The following PPP1R9A variants were observed in gnomAD, a reference collection of about 807,000 sequenced individuals.
The protein encoded by PPP1R9A is neurabin-1.
Under a neutral mutation model 141.9 loss-of-function variants are expected in PPP1R9A, and 59 were observed. The ratio of observed to expected loss-of-function variants is 0.42; its 90% CI spans 0.34 to 0.52. The LOEUF (loss-of-function observed/expected upper bound fraction) is 0.52. Among genes scored for constraint, PPP1R9A ranks in the 20% least tolerant of loss-of-function variants. The pLI, the probability that PPP1R9A is intolerant of heterozygous loss-of-function variation, is 0.10. For synonymous variants in PPP1R9A, 500 were observed against 569.7 expected, an observed-to-expected ratio of 0.88 and a Z score of 1.74; for missense variants, 1,444 against 1,611.9, an observed-to-expected ratio of 0.90 and a Z score of 1.78.
rs192085164 is a variant in PPP1R9A at position 94,910,233 on chromosome 7, T to C, written c.120T>C (p.Asp40=). 135 of 1,613,896 alleles carry C rather than the reference T, an allele frequency of 8.4e-5. 1 individual carries two copies. Among genetic ancestry groups the C allele is most frequent in the Non-Finnish European group, 4.1e-5 (48 of 1,179,972 alleles). The change falls in exon 2 of 20, where the codon GAT becomes GAC. Residue 40 remains aspartate (D), a synonymous_variant. Coordinates refer to ENST00000433360, the MANE Select transcript of PPP1R9A (RefSeq NM_001166160.2). This position sits in a 1 kb window ranked among gnomAD's most constrained non-coding sequence, Gnocchi z 4.5. The part of the protein sequence containing the change: ...LKSTFDKPKS[D]GEQKTKEGEG... ...GTACCTTTGACAAACCCAAGTCAGA[T>C]GGGGAACAAAAAACAAAAGAAGGTG... is the stretch of plus-strand genomic sequence containing the variant.
intron 2 of PPP1R9A, among the ~76,000 whole-genome samples, chr7:94,993,421 A>C (rs1007121125): frequency 6.6e-6 from 1 of 152,156 alleles, no homozygotes; most frequent in Non-Finnish European, 1.5e-5. Flanking sequence ...TTAGCTTGTC[A>C]ATTTATACAA....
intron 4 of PPP1R9A, 104 bp from the exon 5 acceptor site, chr7:95,161,763 A>G (rs1003259867): frequency 2.8e-6 from 2 of 711,448 alleles, no homozygotes; most frequent in Non-Finnish European, 4.5e-6. Flanking sequence ...CAAAAAGAGT[A>G]TCTTAAAAAT....
intron 2 of PPP1R9A, among the ~76,000 whole-genome samples, chr7:94,930,980 G>A (rs1406265841): frequency 1.3e-5 from 2 of 152,142 alleles, no homozygotes; most frequent in African/African-American, 4.8e-5. Flanking sequence ...TAGCGTATCC[G>A]TACAAAATAG....
intron 2 of PPP1R9A, among the ~76,000 whole-genome samples, chr7:95,063,971 A>G (rs775612223): frequency 7.9e-5 from 12 of 152,208 alleles, no homozygotes; most frequent in Non-Finnish European, 1.2e-4. Context: ...TAAATTTACT[A>G]TAAAAATGGG....
Position 95,293,926 on chromosome 7 carries a change from G to A in PPP1R9A, c.*3623G>A, listed in dbSNP as rs1265330461. ...CAGTGTTTAACAATAGTGTTCTAGA[G>A]GATTCTAAAGGAAGCTGCCCCAGCA... On this transcript the variant is annotated 3_prime_UTR_variant, in exon 20 of 20. Transcript: ENST00000433360. 1 of 152,180 alleles carries A rather than the reference G, an allele frequency of 6.6e-6. No individual in the cohort carries two copies. The highest frequency in any genetic ancestry group is 2.4e-5 in the African/African-American group (1 of 41,442). The allele number at this position is 152,180 out of a possible 1,614,324, so 9.4% of individuals were successfully genotyped here.
At chr7:94,951,348 A>G (rs1796454644) in intron 2 of PPP1R9A, among the ~76,000 whole-genome samples, 1 of 151,896 alleles carries the variant, frequency 6.6e-6, no homozygotes, top group Non-Finnish European at 1.5e-5. Context: ...ATTATTATAT[A>G]TGGCATTTGG....
chr7:94,978,545 C>T (rs1477577132), intron 2 of PPP1R9A, among the ~76,000 whole-genome samples: 1 of 152,138 alleles, frequency 6.6e-6, no homozygotes, highest in Non-Finnish European at 1.5e-5. Flanking sequence ...ATTGCCAATT[C>T]ATTTCTCGAC....
intron 1 of PPP1R9A, chr7:94,908,121 C>G (rs1790987604): frequency 6.6e-6 from 1 of 150,440 alleles, no homozygotes; most frequent in African/African-American, 2.4e-5. Context: ...CCCTCCCCGC[C>G]CGCGGCGCTC....
Position 94,910,735 on chromosome 7 carries a change from GTAT to G in PPP1R9A, c.624_626del (p.Phe209del). On this transcript the variant is annotated inframe_deletion, in exon 2 of 20. Coordinates refer to ENST00000433360, the MANE Select transcript of PPP1R9A (RefSeq NM_001166160.2). This position sits in a 1 kb window ranked among gnomAD's most constrained non-coding sequence, Gnocchi z 4.5. ...CCCAACTGTGAGTCAACTGAGTGCA[GTAT>G]TTGAGAACACTGATTCTCCCAGTGC... 6.2e-7 allele frequency: 1 copy of G among 1,614,168 alleles called. No individual in the cohort carries two copies. Among genetic ancestry groups the G allele is most frequent in the Non-Finnish European group, 8.5e-7 (1 of 1,180,038 alleles).
intron 12 of PPP1R9A, among the ~76,000 whole-genome samples, chr7:95,256,583 C>T (rs906402234): frequency 3.3e-5 from 5 of 152,078 alleles, no homozygotes; most frequent in Non-Finnish European, 7.4e-5. Context: ...TATTTCATCA[C>T]TAAGTGTATT....
At chr7:94,935,572 T>C (rs140391129) in intron 2 of PPP1R9A, among the ~76,000 whole-genome samples, 1 of 152,340 alleles carries the variant, frequency 6.6e-6, no homozygotes, top group East Asian at 1.9e-4. Flanking sequence ...TTCTGTGGCT[T>C]CTGGAACACA....
chr7:95,034,763 A>C (rs2151845127), intron 2 of PPP1R9A, among the ~76,000 whole-genome samples: 1 of 152,358 alleles, frequency 6.6e-6, no homozygotes, highest in East Asian at 1.9e-4. Flanking sequence ...GAATTATGGA[A>C]TATTCTAGTT....
At chr7:95,157,261 C>G (rs943261249) in intron 4 of PPP1R9A, among the ~76,000 whole-genome samples, 2 of 152,164 alleles carry the variant, frequency 1.3e-5, no homozygotes, top group East Asian at 1.9e-4. Flanking sequence ...CCCCCTCTCC[C>G]CCCCCAGAGT....
At chr7:94,933,106 C>T (rs1051769545) in intron 2 of PPP1R9A, among the ~76,000 whole-genome samples, 1 of 151,650 alleles carries the variant, frequency 6.6e-6, no homozygotes, top group Non-Finnish European at 1.5e-5. Context: ...GCATATTTAG[C>T]GTCCTATCAT....
At chr7:95,128,317 G>A (rs2152513970) in intron 4 of PPP1R9A, among the ~76,000 whole-genome samples, 1 of 152,214 alleles carries the variant, frequency 6.6e-6, no homozygotes, top group African/African-American at 2.4e-5. Flanking sequence ...GCCCTCTATT[G>A]AGAAGTGCTG....
chr7:95,265,102 G>A (rs1472905675), intron 12 of PPP1R9A, among the ~76,000 whole-genome samples: 1 of 152,068 alleles, frequency 6.6e-6, no homozygotes, highest in East Asian at 1.9e-4. Flanking sequence ...TTGGATATAT[G>A]TAAAGCCAAA....
intron 18 of PPP1R9A, among the ~76,000 whole-genome samples, chr7:95,287,603 A>G (rs1805586341): frequency 6.6e-6 from 1 of 152,174 alleles, no homozygotes; most frequent in South Asian, 2.1e-4. Context: ...AATTTAGAAT[A>G]AACTCCTAAC....
At chr7:95,041,152 A>C (rs545966557) in intron 2 of PPP1R9A, among the ~76,000 whole-genome samples, 25 of 152,334 alleles carry the variant, frequency 1.6e-4, no homozygotes, top group African/African-American at 5.8e-4. Context: ...AGGGAAATGC[A>C]TGACTAAGGT....
intron 2 of PPP1R9A, among the ~76,000 whole-genome samples, chr7:94,954,699 T>G (rs1032575984): frequency 1.0e-4 from 15 of 147,694 alleles, no homozygotes; most frequent in South Asian, 2.1e-4. Context: ...TTTCTGTTGG[T>G]TTTTTTTTTC....
Sources: gnomAD v4.1 joint callset for allele counts (sites outside exome capture counted in the v4.1 genomes callset) on GRCh38, gnomAD v4.1.1 for gene constraint, Gnocchi (gnomAD v3.1) non-coding constraint, MANE v1.5 for transcripts, NCBI Gene and HGNC (gene_info 2026-07-23, HGNC 2026-07-21) for gene names.